The following ZNF90 variants were observed in gnomAD, a reference collection of about 807,000 sequenced individuals.
ZNF90 encodes zinc finger protein HTF9.
In ZNF90, 11 loss-of-function variants were observed where a neutral mutation model predicts 12.0. The observed-to-expected ratio is 0.92, with a 90% CI of 0.58 to 1.52. The LOEUF (loss-of-function observed/expected upper bound fraction) is 1.52. Among genes scored for constraint, ZNF90 ranks in the 40% most tolerant of loss-of-function variants. The pLI is 0.00. For missense variants in ZNF90, 765 were observed against 711.5 expected (o/e 1.08, Z -0.86); for synonymous variants, 232 against 240.1 (o/e 0.97, Z 0.31).
intron 1 of ZNF90, among the ~76,000 whole-genome samples, chr19:20,102,738 T>C (rs550273081): frequency 1.2e-3 from 180 of 152,298 alleles, no homozygotes; most frequent in South Asian, 2.7e-3. Context: ...AGATGGAGAA[T>C]ATGTCATGTT....
intron 3 of ZNF90, among the ~76,000 whole-genome samples, chr19:20,110,357 C>CA (rs2089077101): frequency 6.6e-6 from 1 of 152,106 alleles, no homozygotes; most frequent in Admixed American, 6.5e-5. Flanking sequence ...TGGCTCACTG[C>CA]AACCCCTGCC....
rs1568295725 is a variant in ZNF90 at position 20,120,199 on chromosome 19, T to TA, written c.*845dup. ...ATCCTTGAGAAAAATTGCACAATTA[T>TA]AAAAAATATGGAAAACCCATTAATG... On this transcript the variant is annotated 3_prime_UTR_variant, in exon 4 of 4. Transcript: ENST00000418063. Among the ~76,000 whole-genome samples the TA allele has an allele frequency of 6.6e-6, 1 of 152,126 alleles. No individual in the cohort carries two copies. The highest frequency in any genetic ancestry group is 1.9e-4 in the East Asian group (1 of 5,194).
intron 1 of ZNF90, among the ~76,000 whole-genome samples, chr19:20,085,482 G>A (rs533851006): frequency 4.0e-4 from 60 of 151,598 alleles, no homozygotes; most frequent in Middle Eastern, 3.4e-3. Context: ...GGATGGTCTC[G>A]ATCTCCTGAC....
Position 20,119,565 on chromosome 19 carries a change from G to A in ZNF90, c.*205G>A. 3.8e-6 allele frequency: 2 copies of A among 531,348 alleles called. No homozygotes were observed. Among genetic ancestry groups the A allele is most frequent in the East Asian group, 3.1e-5 (1 of 32,070 alleles). The allele number at this position is 531,348 out of a possible 1,614,324, so 32.9% of individuals were successfully genotyped here. A position where few individuals can be genotyped will look rare whatever the true frequency, so the allele number is the denominator to read the frequency against. ...ACCCTTACTACACATAATTCATACTGGACGGAAACTCTACAGGTGTGAAAA... is the reference window on the plus strand; with the variant it reads ...ACCCTTACTACACATAATTCATACTAGACGGAAACTCTACAGGTGTGAAAA... On this transcript the variant is annotated 3_prime_UTR_variant, in exon 4 of 4. Transcript: ENST00000418063.
chr19:20,116,554 A>G (rs1475770558), intron 3 of ZNF90, among the ~76,000 whole-genome samples: 2 of 152,130 alleles, frequency 1.3e-5, no homozygotes, highest in African/African-American at 4.8e-5. Context: ...ATGTTTCTCT[A>G]ATATTTTGTG....
At chr19:20,108,163 A>G (rs536452709) in intron 3 of ZNF90, among the ~76,000 whole-genome samples, 3 of 152,330 alleles carry the variant, frequency 2.0e-5, no homozygotes, top group African/African-American at 4.8e-5. Flanking sequence ...TAATTTATTA[A>G]AAGTTTCTCA....
rs186662638 is a variant in ZNF90, at chr19:20,078,026, T to G, written c.-107T>G. On this transcript the variant is annotated 5_prime_UTR_variant, in exon 1 of 4. Transcript: ENST00000418063. ...ATTTGTCTCTTGCTGCAGCTGGTGC[T>G]CCAAATCTGGTCTTAGCTGCTTCGT... 2.9e-3 allele frequency: 4,204 copies of G among 1,462,630 alleles called. 12 individuals are homozygous for G. Among genetic ancestry groups the G allele is most frequent in the Non-Finnish European group, 3.7e-3 (3,860 of 1,042,826 alleles). 90.6% of individuals were successfully genotyped at this position (1,462,630 alleles called of 1,614,324 possible).
chr19:20,117,852 G>A lies in ZNF90; in HGVS notation c.298G>A (p.Val100Met), dbSNP rs2089153631. ...SLKDSFQKVI[V>M]TRYEKREYGN... ...AAAAGATTCCTTCCAAAAAGTGATA[G>A]TGACAAGATATGAAAAACGTGAATA... The change falls in exon 4 of 4, where the codon GTG (valine) becomes ATG (methionine). Residue 100 changes from valine to methionine, a missense_variant. By Grantham distance (21) the Val-to-Met change is conservative (BLOSUM62 1). Coordinates refer to ENST00000418063, the MANE Select transcript of ZNF90 (RefSeq NM_007138.2). 1 of 1,605,266 alleles carries A rather than the reference G, an allele frequency of 6.2e-7. No individual in the cohort carries two copies. The highest frequency in any genetic ancestry group is 2.2e-5 in the East Asian group (1 of 44,776).
At position 20,113,019 on chromosome 19, in the gene ZNF90, C is replaced by G. The variant is rs376739707; in HGVS notation, c.227-4762C>G. ...TAATTGTATATGACAATATTTAACTCTGTACCACTTAAGACAGTGTGGAGC... is the reference window on the plus strand; with the variant it reads ...TAATTGTATATGACAATATTTAACTGTGTACCACTTAAGACAGTGTGGAGC... On this transcript the variant is annotated intron_variant, in intron 3 of 3. Coordinates refer to ENST00000418063, the MANE Select transcript of ZNF90 (RefSeq NM_007138.2). Among the ~76,000 whole-genome samples the G allele has an allele frequency of 9.2e-5, 14 of 152,138 alleles. No individual in the cohort carries two copies. In the East Asian group the frequency reaches 1.4e-3, roughly 15 times the overall value.
chr19:20,106,731 G>A (rs1405705812), intron 3 of ZNF90, among the ~76,000 whole-genome samples: 1 of 152,208 alleles, frequency 6.6e-6, no homozygotes, highest in Non-Finnish European at 1.5e-5. Flanking sequence ...AGGATTACAG[G>A]CGTGAGCCAC....
chr19:20,091,737 G>A (rs1423434305), intron 1 of ZNF90, among the ~76,000 whole-genome samples: 1 of 151,594 alleles, frequency 6.6e-6, no homozygotes, highest in Non-Finnish European at 1.5e-5. Context: ...GAGGACCCTT[G>A]TGTAGTGAGG....
intron 3 of ZNF90, among the ~76,000 whole-genome samples, chr19:20,112,574 G>C (rs989585944): frequency 6.7e-6 from 1 of 150,106 alleles, no homozygotes; most frequent in Non-Finnish European, 1.5e-5. Flanking sequence ...CACCCACCTC[G>C]GCCTCCCAAA....
chr19:20,094,597 A>T (rs2088927971), intron 1 of ZNF90, among the ~76,000 whole-genome samples: 1 of 152,032 alleles, frequency 6.6e-6, no homozygotes, highest in African/African-American at 2.4e-5. Flanking sequence ...TCCATTGGGG[A>T]TCCTCTCGGG....
At chr19:20,110,265 C>T (rs1212361660) in intron 3 of ZNF90, among the ~76,000 whole-genome samples, 1 of 151,818 alleles carries the variant, frequency 6.6e-6, no homozygotes, top group Non-Finnish European at 1.5e-5. Context: ...TTTTCCAGGT[C>T]CTGTGTTGTT....
At chr19:20,103,866 A>G (rs1206413280) in intron 1 of ZNF90, among the ~76,000 whole-genome samples, 1 of 152,108 alleles carries the variant, frequency 6.6e-6, no homozygotes, top group African/African-American at 2.4e-5. Context: ...CTTATTGTAC[A>G]TATTAAAATT....
chr19:20,100,799 A>G (rs1555703791), intron 1 of ZNF90, among the ~76,000 whole-genome samples: 2 of 152,210 alleles, frequency 1.3e-5, no homozygotes, highest in African/African-American at 4.8e-5. Flanking sequence ...CTTGTAACTC[A>G]GCTCACATCT....
intron 1 of ZNF90, 93 bp from the exon 2 acceptor site, chr19:20,104,146 C>G: frequency 6.4e-7 from 1 of 1,564,016 alleles, no homozygotes; most frequent in Non-Finnish European, 8.7e-7. Flanking sequence ...AGAACCAATT[C>G]TCTTTACTCT....
At chr19:20,098,236 C>A (rs782396423) in intron 1 of ZNF90, among the ~76,000 whole-genome samples, 1 of 152,034 alleles carries the variant, frequency 6.6e-6, no homozygotes, top group Non-Finnish European at 1.5e-5. Flanking sequence ...TGTCCTCTGC[C>A]AGGAATTTAC....
chr19:20,095,411 G>A (rs1481181648), intron 1 of ZNF90, among the ~76,000 whole-genome samples: 2 of 152,066 alleles, frequency 1.3e-5, no homozygotes, highest in Non-Finnish European at 2.9e-5. Context: ...AGTTGAAGAG[G>A]TTTTAAGTTC....
Sources: gnomAD v4.1 joint callset for allele counts (sites outside exome capture counted in the v4.1 genomes callset) on GRCh38, gnomAD v4.1.1 for gene constraint, MANE v1.5 for transcripts, NCBI Gene and HGNC (gene_info 2026-07-23, HGNC 2026-07-21) for gene names.